ZZEF1: variants seen among roughly 807,000 people sequenced by gnomAD.
ZZEF1 encodes the protein zinc finger ZZ-type and EF-hand domain containing 1.
In ZZEF1, 157 loss-of-function variants were observed where a neutral mutation model predicts 342.8. That is an observed-to-expected ratio of 0.46 (90% confidence interval 0.40 to 0.52). The LOEUF (loss-of-function observed/expected upper bound fraction) is 0.52. Among genes scored for constraint, ZZEF1 ranks in the 20% least tolerant of loss-of-function variants. ZZEF1 has a pLI of 0.00. For synonymous variants in ZZEF1, 1,505 were observed against 1,429.1 expected, an observed-to-expected ratio of 1.05 and a Z score of -1.20; for missense variants, 3,480 against 3,725.6, an observed-to-expected ratio of 0.93 and a Z score of 1.72.
intron 18 of ZZEF1, among the ~76,000 whole-genome samples, chr17:4,081,148 G>C (rs1001338881): frequency 3.2e-4 from 48 of 152,042 alleles, no homozygotes; most frequent in Admixed American, 3.1e-3. Flanking sequence ...GAGGTGGGAG[G>C]ACTGCTTGGG....
chr17:4,075,073 C>T (rs1172203130), intron 23 of ZZEF1, 24 bp downstream of exon 23: 1 of 1,613,176 alleles, frequency 6.2e-7, no homozygotes, highest in East Asian at 2.2e-5. Context: ...GAAGTAGGTA[C>T]CTCTTTCTGG....
intron 53 of ZZEF1, 123 bp downstream of exon 53, chr17:4,009,481 T>C: frequency 7.4e-7 from 1 of 1,345,218 alleles, no homozygotes; most frequent in Non-Finnish European, 1.0e-6. Context: ...ATGCCTGTCC[T>C]GTGTGGCCTG....
chr17:4,083,108 C>T (rs898539278), intron 16 of ZZEF1, among the ~76,000 whole-genome samples: 2 of 152,182 alleles, frequency 1.3e-5, no homozygotes, highest in African/African-American at 2.4e-5. Flanking sequence ...GACAAGCCAT[C>T]TCAAGAGCAA....
At position 4,050,865 on chromosome 17, in the gene ZZEF1, G is replaced by T. The variant is rs2057029861; in HGVS notation, c.5779C>A (p.Gln1927Lys). 6.2e-7 allele frequency: 1 copy of T among 1,614,088 alleles called. No individual in the cohort carries two copies. Among genetic ancestry groups the T allele is most frequent in the Non-Finnish European group, 8.5e-7 (1 of 1,180,038 alleles). The part of the protein sequence containing the change: ...EDVDGEKLDP[Q>K]TRSSATTLRS... The stretch of plus-strand genomic sequence containing the variant: ...AGGGTGGTGGCACTGCTGCGCGTCT[G>T]GGGGTCCAGCTTCTCCCCATCCACA... The change falls in exon 36 of 55, where the codon CAG (glutamine) becomes AAG (lysine). Residue 1927 changes from glutamine to lysine, a missense_variant. Transcript: ENST00000381638.
At chr17:4,119,665 T>C (rs2058452611) in intron 2 of ZZEF1, among the ~76,000 whole-genome samples, 1 of 152,220 alleles carries the variant, frequency 6.6e-6, no homozygotes, top group Non-Finnish European at 1.5e-5. Context: ...TTTCAGCCCT[T>C]TGTCTAAAGG....
chr17:4,072,851 A>C, intron 24 of ZZEF1, 95 bp from the exon 25 acceptor site: 1 of 1,295,610 alleles, frequency 7.7e-7, no homozygotes, highest in Non-Finnish European at 1.1e-6. Flanking sequence ...AAAACCATGG[A>C]TACTATTAAA....
chr17:4,013,067 TGACAGA>T (rs2056006281), intron 52 of ZZEF1, among the ~76,000 whole-genome samples: 1 of 146,608 alleles, frequency 6.8e-6, no homozygotes, highest in African/African-American at 2.5e-5. Context: ...CCAGCCTGCG[TGACAGA>T]GTGAGACTCT....
chr17:4,138,901 G>C (rs1368101088), intron 1 of ZZEF1, among the ~76,000 whole-genome samples: 1 of 152,192 alleles, frequency 6.6e-6, no homozygotes, highest in Admixed American at 6.5e-5. Context: ...CCTTCTCCCT[G>C]GACCACACCT....
intron 46 of ZZEF1, among the ~76,000 whole-genome samples, chr17:4,019,038 G>T (rs1027488482): frequency 4.6e-5 from 7 of 151,184 alleles, no homozygotes; most frequent in African/African-American, 1.7e-4. Context: ...TATATTTCTG[G>T]TTTCTTAGTT....
At chr17:4,080,996 G>C (rs2057713225) in intron 18 of ZZEF1, among the ~76,000 whole-genome samples, 1 of 152,092 alleles carries the variant, frequency 6.6e-6, no homozygotes, top group African/African-American at 2.4e-5. Context: ...CAACACTTTG[G>C]GAGGCCAAAG....
At chr17:4,107,884 A>C (rs1460025730) in intron 6 of ZZEF1, among the ~76,000 whole-genome samples, 1 of 152,222 alleles carries the variant, frequency 6.6e-6, no homozygotes, top group Non-Finnish European at 1.5e-5. Context: ...TGCAGGGAAC[A>C]TTCAAGATAA....
intron 19 of ZZEF1, among the ~76,000 whole-genome samples, chr17:4,077,196 A>T (rs377492509): frequency 6.6e-6 from 1 of 151,510 alleles, no homozygotes; most frequent in Non-Finnish European, 1.5e-5. Context: ...TTTTAAAGGG[A>T]TTTTTTTTTG....
At position 4,086,596 on chromosome 17, in the gene ZZEF1, A is replaced by T; in HGVS notation, c.2402T>A (p.Phe801Tyr). ...CAGTACATCTCCCTGCAGCACAGAG[A>T]AGCAGCTCTGGAGTAGCTGCAGAAG... ...TLLLQLLQSC[F>Y]SVLQGDVLAA... is the part of the protein sequence containing the mutation. Residue 801 changes from phenylalanine (F) to tyrosine (Y), a missense_variant, in exon 15 of 55, where the codon TTC becomes TAC. By Grantham distance (22) the Phe-to-Tyr change is conservative (BLOSUM62 3). Coordinates refer to ENST00000381638, the MANE Select transcript of ZZEF1 (RefSeq NM_015113.4). 1 of 1,614,216 alleles carries T rather than the reference A, an allele frequency of 6.2e-7. No homozygotes were observed. The highest frequency in any genetic ancestry group is 8.5e-7 in the Non-Finnish European group (1 of 1,180,030).
chr17:4,104,143 G>A, intron 8 of ZZEF1, among the ~76,000 whole-genome samples: 1 of 152,162 alleles, frequency 6.6e-6, no homozygotes, highest in South Asian at 2.1e-4. Flanking sequence ...GCCCAAGGGG[G>A]GAAAGCAGTG....
intron 16 of ZZEF1, among the ~76,000 whole-genome samples, chr17:4,082,982 G>C (rs1292508288): frequency 6.6e-6 from 1 of 152,090 alleles, no homozygotes; most frequent in East Asian, 1.9e-4. Context: ...CACCATGTTG[G>C]CCAGGCTGCT....
At chr17:4,007,928 T>G (rs995058315) in intron 54 of ZZEF1, among the ~76,000 whole-genome samples, 3 of 151,810 alleles carry the variant, frequency 2.0e-5, no homozygotes, top group African/African-American at 7.3e-5. Flanking sequence ...GGTAACCCTG[T>G]GAGCCTCAGT....
rs906156195 is a variant in ZZEF1, at chr17:4,008,084, T to C, written c.8805+799A>G. Among the ~76,000 whole-genome samples the C allele has an allele frequency of 4.6e-5, 7 of 151,776 alleles. No homozygotes were observed. The highest frequency in any genetic ancestry group is 1.5e-4 in the African/African-American group (6 of 41,300). On this transcript the variant is annotated intron_variant, in intron 54 of 54. Coordinates refer to ENST00000381638, the MANE Select transcript of ZZEF1 (RefSeq NM_015113.4). This position sits in a 1 kb window ranked among gnomAD's most constrained non-coding sequence, Gnocchi z 4.2. ...CTGCAAGGTTCATTTTTGACTTTCC[T>C]TCTCCTGAGTATATGGTGGAGTGTT...
chr17:4,081,439 G>A lies in ZZEF1; in HGVS notation c.2766C>T (p.Ala922=). ...CCAGGACTTCACTGATGTTCATCTT[G>A]GCCAGGTCGTTCTTCTCAGGTAAAA... ...LLLLPEKNDL[A]KMNISEVLAV... is the part of the protein sequence containing the mutation. The change falls in exon 18 of 55, where the codon GCC becomes GCT. Residue 922 remains alanine (A), a synonymous_variant. Transcript: ENST00000381638. 1 of 1,614,056 alleles carries A rather than the reference G, an allele frequency of 6.2e-7. No individual in the cohort carries two copies. Among genetic ancestry groups the A allele is most frequent in the Non-Finnish European group, 8.5e-7 (1 of 1,180,024 alleles).
Position 4,059,287 on chromosome 17 carries a change from A to G in ZZEF1, c.4887T>C (p.Tyr1629=). The change falls in exon 31 of 55, where the codon TAT becomes TAC. Residue 1629 remains tyrosine, a synonymous_variant. Coordinates refer to ENST00000381638, the MANE Select transcript of ZZEF1 (RefSeq NM_015113.4). ...CACCACAGCCTTCCAGGTGTCCAAA[A>G]TAACTAGAAACAGAGGAAATCACTG... ...LLTCQKDFTN[Y]FGHLEGCGAD... is the part of the protein sequence containing the mutation. 6.3e-7 allele frequency: 1 copy of G among 1,596,722 alleles called. No individual in the cohort carries two copies. The highest frequency in any genetic ancestry group is 1.2e-5 in the South Asian group (1 of 86,046).
Sources: gnomAD v4.1 joint callset for allele counts (sites outside exome capture counted in the v4.1 genomes callset) on GRCh38, gnomAD v4.1.1 for gene constraint, Gnocchi (gnomAD v3.1) non-coding constraint, MANE v1.5 for transcripts, NCBI Gene and HGNC (gene_info 2026-07-23, HGNC 2026-07-21) for gene names.